The following HSD17B2 variants were observed in gnomAD, a reference collection of about 807,000 sequenced individuals.
HSD17B2 encodes the protein 17-beta-hydroxysteroid dehydrogenase type 2.
Under a neutral mutation model 26.9 loss-of-function variants are expected in HSD17B2, and 32 were observed. That is an observed-to-expected ratio of 1.19 (90% confidence interval 0.90 to 1.60). HSD17B2 has a LOEUF of 1.60. Ranked by LOEUF, HSD17B2 falls within the 40% of genes most tolerant of loss-of-function variation. The probability of loss-of-function intolerance (pLI) is 0.00; values close to 1 mark genes in which losing one functional copy is unlikely to be tolerated. For synonymous variants in HSD17B2, 246 were observed against 186.7 expected (o/e 1.32, Z -2.59); for missense variants, 613 against 468.6 (o/e 1.31, Z -2.85).
chr16:82,069,135 GC>G (rs1315382868), intron 2 of HSD17B2, among the ~76,000 whole-genome samples: 1 of 152,102 alleles, frequency 6.6e-6, no homozygotes, highest in African/African-American at 2.4e-5. Context: ...TCACTGTTCA[GC>G]CCCCACTTAT....
intron 3 of HSD17B2, among the ~76,000 whole-genome samples, chr16:82,075,168 T>C (rs1272828401): frequency 6.6e-6 from 1 of 151,954 alleles, no homozygotes; most frequent in Non-Finnish European, 1.5e-5. Context: ...AAATCAAACA[T>C]ACCAAAACCC....
In HSD17B2 at chr16:82,085,952, T is replaced by TA. The variant is rs34530732; in HGVS notation, c.665-4940dup. 6.0e-4 allele frequency among the ~76,000 whole-genome samples: 89 copies of TA among 149,154 alleles called. 1 individual carries two copies. The highest frequency in any genetic ancestry group is 7.0e-3 in the Middle Eastern group (2 of 286). ...AATATACACCCTAAGATGGCTATAA[T>TA]AAAAAAAAAACACACAGAAAAAACA... is the stretch of plus-strand genomic sequence containing the variant. On this transcript the variant is annotated intron_variant, in intron 3 of 4. Coordinates refer to ENST00000199936, the MANE Select transcript of HSD17B2 (RefSeq NM_002153.3).
At chr16:82,055,036 C>T (rs1199965271) in intron 1 of HSD17B2, among the ~76,000 whole-genome samples, 3 of 152,208 alleles carry the variant, frequency 2.0e-5, no homozygotes, top group Non-Finnish European at 2.9e-5. Context: ...TCTGGCCTCA[C>T]CAGATGTCAG....
intron 1 of HSD17B2, among the ~76,000 whole-genome samples, chr16:82,059,545 G>C (rs1914372808): frequency 6.6e-6 from 1 of 152,118 alleles, no homozygotes; most frequent in South Asian, 2.1e-4. Flanking sequence ...GATTGTAGTG[G>C]GATTGAGGAG....
At position 82,097,214 on chromosome 16, in the gene HSD17B2, ATGTCTATG is replaced by A. The variant is rs1904866490; in HGVS notation, c.803-859_803-852del. ...CAGCTAAATTTCTGTGTATATGTCTATGTCTATGTCTATGTCTATGTCTATGTCTATGT... is the reference window on the plus strand; with the variant it reads ...CAGCTAAATTTCTGTGTATATGTCTATCTATGTCTATGTCTATGTCTATGT... On this transcript the variant is annotated intron_variant, in intron 4 of 4. Coordinates refer to ENST00000199936, the MANE Select transcript of HSD17B2 (RefSeq NM_002153.3). 2.2e-4 allele frequency: 4 copies of A among 18,544 alleles called. No individual in the cohort carries two copies. In the Admixed American group the frequency reaches 3.3e-3, roughly 15 times the overall value. The allele number at this position is 18,544 out of a possible 1,614,324, so 1.1% of individuals were successfully genotyped here.
intron 1 of HSD17B2, among the ~76,000 whole-genome samples, chr16:82,042,341 G>T (rs568618128): frequency 8.6e-5 from 13 of 151,954 alleles, no homozygotes; most frequent in African/African-American, 2.9e-4. Flanking sequence ...GAGCCACCAC[G>T]CCCAGCCTCC....
intron 1 of HSD17B2, among the ~76,000 whole-genome samples, chr16:82,039,199 C>T (rs1406255661): frequency 6.6e-6 from 1 of 151,618 alleles, no homozygotes; most frequent in Admixed American, 6.6e-5. Flanking sequence ...CTTTGGTGCT[C>T]GGTTTTGGAT....
chr16:82,083,345 C>T (rs1362868021), intron 3 of HSD17B2, among the ~76,000 whole-genome samples: 1 of 151,932 alleles, frequency 6.6e-6, no homozygotes, highest in African/African-American at 2.4e-5. Flanking sequence ...TGTAGGAATA[C>T]AGGTAAGAAT....
intron 3 of HSD17B2, among the ~76,000 whole-genome samples, chr16:82,079,637 G>C (rs1049018190): frequency 6.6e-6 from 1 of 152,148 alleles, no homozygotes; most frequent in Non-Finnish European, 1.5e-5. Flanking sequence ...CACTGTAATT[G>C]ATAAGGGACA....
intron 3 of HSD17B2, among the ~76,000 whole-genome samples, chr16:82,074,449 C>T (rs2143990598): frequency 6.6e-6 from 1 of 152,258 alleles, no homozygotes; most frequent in South Asian, 2.1e-4. Flanking sequence ...CATATGTACT[C>T]AACAGGGCCG....
intron 1 of HSD17B2, among the ~76,000 whole-genome samples, chr16:82,037,771 G>C (rs1913659918): frequency 6.6e-6 from 1 of 152,160 alleles, no homozygotes; most frequent in Admixed American, 6.5e-5. Context: ...ATGGAAAACT[G>C]CTTGGGCCAA....
intron 1 of HSD17B2, among the ~76,000 whole-genome samples, chr16:82,066,939 C>A (rs1395578281): frequency 6.6e-6 from 1 of 152,142 alleles, no homozygotes; most frequent in Admixed American, 6.5e-5. Context: ...TTGTAAAGAA[C>A]ATCATTTATG....
At chr16:82,061,588 A>G (rs1207787557) in intron 1 of HSD17B2, among the ~76,000 whole-genome samples, 2 of 152,208 alleles carry the variant, frequency 1.3e-5, no homozygotes, top group Non-Finnish European at 2.9e-5. Context: ...GGCTTTGAAG[A>G]CTATGTAGAA....
chr16:82,048,740 G>C (rs1914015218), intron 1 of HSD17B2, among the ~76,000 whole-genome samples: 1 of 152,190 alleles, frequency 6.6e-6, no homozygotes, highest in Non-Finnish European at 1.5e-5. Context: ...CATGTTATTG[G>C]TTAGAAAGGC....
intron 3 of HSD17B2, among the ~76,000 whole-genome samples, chr16:82,079,867 A>C (rs1479810570): frequency 6.6e-6 from 1 of 152,194 alleles, no homozygotes; most frequent in Non-Finnish European, 1.5e-5. Context: ...TGGCAAAATC[A>C]ATGTAATAGT....
chr16:82,074,150 G>C (rs2317419), intron 3 of HSD17B2, among the ~76,000 whole-genome samples: 2,541 of 152,276 alleles, frequency 0.017, 56 homozygotes, highest in South Asian at 0.07. Flanking sequence ...GCTAGCCATA[G>C]GCAGAACATT....
intron 3 of HSD17B2, among the ~76,000 whole-genome samples, chr16:82,085,012 C>G (rs190470389): frequency 4.6e-5 from 7 of 152,358 alleles, no homozygotes; most frequent in Admixed American, 4.6e-4. Flanking sequence ...GCATGAGCTA[C>G]TGAGGCCGTC....
intron 1 of HSD17B2, among the ~76,000 whole-genome samples, chr16:82,051,812 G>A (rs929477112): frequency 2.0e-5 from 3 of 152,238 alleles, no homozygotes; most frequent in African/African-American, 7.2e-5. Context: ...CTTGCTGTGT[G>A]ACCTGGGTCA....
Position 82,035,319 on chromosome 16 carries a change from C to A in HSD17B2, c.-106C>A. 1 of 1,070,820 alleles carries A rather than the reference C, an allele frequency of 9.3e-7. No individual in the cohort carries two copies. Among genetic ancestry groups the A allele is most frequent in the Non-Finnish European group, 1.4e-6 (1 of 735,658 alleles). 66.3% of individuals were successfully genotyped at this position (1,070,820 alleles called of 1,614,324 possible). A position where few individuals can be genotyped will look rare whatever the true frequency, so the allele number is the denominator to read the frequency against. The stretch of plus-strand genomic sequence containing the variant: ...AAAGGGGCTGGGGCTGCTTTCTCCC[C>A]TCCCTTCTTGACTCTCTGTTCACAG... On this transcript the variant is annotated 5_prime_UTR_variant, in exon 1 of 5. Coordinates refer to ENST00000199936, the MANE Select transcript of HSD17B2 (RefSeq NM_002153.3).
Sources: allele counts gnomAD v4.1 joint callset (sites outside exome capture counted in the v4.1 genomes callset), GRCh38; gene constraint gnomAD v4.1.1; transcripts MANE v1.5; gene names NCBI Gene and HGNC (gene_info 2026-07-23, HGNC 2026-07-21).